Variants in MIER2 observed in about 807,000 individuals in gnomAD.
MIER2 encodes the protein MIER family member 2, also known as mesoderm induction early response protein 2.
MIER2 carries 30 observed loss-of-function variants against 67.6 expected under a neutral mutation model. The ratio of observed to expected loss-of-function variants is 0.44; its 90% confidence interval spans 0.33 to 0.60. The LOEUF is 0.60. MIER2 is among the 20% of genes least tolerant of loss of function. The pLI is 0.02. For missense variants in MIER2, 702 were observed against 745.1 expected, an observed-to-expected ratio of 0.94 and a Z score of 0.67; for synonymous variants, 372 against 312.6, an observed-to-expected ratio of 1.19 and a Z score of -2.00.
In MIER2 at chr19:313,659, G is replaced by A. The variant is rs772637477; in HGVS notation, c.656-16C>T. 6 of 1,604,954 alleles carry A rather than the reference G, an allele frequency of 3.7e-6. No individual in the cohort carries two copies. The highest frequency in any genetic ancestry group is 5.1e-6 in the Non-Finnish European group (6 of 1,178,596). ...TTCTCGTAGACTGCACAAGCAGAGG[G>A]CAAAGGTCAGCTTGCAGGAACCCAA... On this transcript the variant is annotated splice_polypyrimidine_tract_variant and intron_variant, in intron 7 of 13. Coordinates refer to ENST00000264819, the MANE Select transcript of MIER2 (RefSeq NM_017550.3).
At chr19:327,038 C>T (rs1000997359) in intron 5 of MIER2, 95 bp downstream of exon 5, 7 of 1,482,166 alleles carry the variant, frequency 4.7e-6, no homozygotes, top group South Asian at 1.4e-5. Context: ...GTGATGAGTT[C>T]TTGGCCTGCA....
At chr19:332,298 A>G (rs1046475919) in intron 3 of MIER2, among the ~76,000 whole-genome samples, 18 of 151,662 alleles carry the variant, frequency 1.2e-4, no homozygotes, top group African/African-American at 4.1e-4. Context: ...GTATTTTTAC[A>G]TGTCAATTTT....
At chr19:338,757 CAT>C (rs1972374578) in intron 1 of MIER2, among the ~76,000 whole-genome samples, 1 of 152,150 alleles carries the variant, frequency 6.6e-6, no homozygotes, top group South Asian at 2.1e-4. Flanking sequence ...GTCACACATT[CAT>C]AGTCAACTGG....
chr19:310,508 A>AGCCGGGAGCTATAG (rs1970906562), intron 10 of MIER2, among the ~76,000 whole-genome samples: 2 of 43,818 alleles, frequency 4.6e-5, no homozygotes, highest in East Asian at 9.7e-4. Flanking sequence ...GGGAGTTACA[A>AGCCGGGAGCTATAG]AAACGCGGCC....
In MIER2 at chr19:344,331, G is replaced by C. The variant is rs1303786142; in HGVS notation, c.9+443C>G. The C allele has an allele frequency of 3.0e-6, 3 of 984,772 alleles. No homozygotes were observed. The African/African-American group carries it at 5.2e-5, about 17-fold the overall frequency. The allele number at this position is 984,772 out of a possible 1,614,324, so 61.0% of individuals were successfully genotyped here. A position where few individuals can be genotyped will look rare whatever the true frequency, so the allele number is the denominator to read the frequency against. On this transcript the variant is annotated intron_variant, in intron 1 of 13. Transcript: ENST00000264819. The stretch of plus-strand genomic sequence containing the variant: ...CACCGGGATCCCGATGGGGAGCGCG[G>C]GGCGCCTGGCGGCCCCAGCACTCGG...
intron 12 of MIER2, 83 bp from the exon 13 acceptor site, chr19:307,619 C>T: frequency 7.3e-7 from 1 of 1,371,566 alleles, no homozygotes; most frequent in Non-Finnish European, 9.5e-7. Flanking sequence ...TTGCTGGGTC[C>T]AGCAAAGCCT....
chr19:314,937 C>A (rs147472214), intron 7 of MIER2, among the ~76,000 whole-genome samples: 1 of 151,828 alleles, frequency 6.6e-6, no homozygotes, highest in Non-Finnish European at 1.5e-5. Context: ...AGTACAGGCA[C>A]GTCTGTAGTC....
At chr19:323,245 T>A (rs1372007668) in intron 7 of MIER2, among the ~76,000 whole-genome samples, 2 of 114,714 alleles carry the variant, frequency 1.7e-5, no homozygotes, top group African/African-American at 3.3e-5. Flanking sequence ...ACAGTCGTCA[T>A]CATAATGCAA....
intron 1 of MIER2, among the ~76,000 whole-genome samples, chr19:341,788 A>G (rs962412785): frequency 3.9e-5 from 6 of 152,180 alleles, no homozygotes; most frequent in Admixed American, 2.6e-4. Flanking sequence ...CGTAAACAGC[A>G]TTCTAGAAAC....
intron 1 of MIER2, among the ~76,000 whole-genome samples, chr19:341,466 T>C (rs903892598): frequency 1.3e-5 from 2 of 152,108 alleles, no homozygotes; most frequent in Non-Finnish European, 2.9e-5. Flanking sequence ...AAAGGGCCGC[T>C]AACAGGGAGG....
intron 4 of MIER2, 34 bp from the exon 5 acceptor site, chr19:327,290 T>C (rs1390702989): frequency 6.4e-7 from 1 of 1,566,998 alleles, no homozygotes; most frequent in African/African-American, 1.4e-5. Flanking sequence ...AAGAACATTT[T>C]ACAGTTTAAC....
Position 325,636 on chromosome 19 carries a change from C to A in MIER2, c.654G>T (p.Lys218Asn), listed in dbSNP as rs374540198. ...SNLHLNRHCEKIYENEDQLLW... is the reference protein window; with the variant it reads ...SNLHLNRHCENIYENEDQLLW... ...CTCCTCTCCCCAGGCCCTACTTACT[C>A]TTCTCACAGTGCCGGTTCAAGTGCA... The change falls in exon 7 of 14, where the codon AAG (lysine) becomes AAT (asparagine). Residue 218 changes from lysine to asparagine, a missense_variant and splice_region_variant. Lys to Asn is a moderately conservative substitution (Grantham distance 94, BLOSUM62 0). This residue lies in a region of MIER2 where 320 missense variants were observed against 292.6 expected (regional missense o/e 1.09). Transcript: ENST00000264819. 8.7e-6 allele frequency: 14 copies of A among 1,614,206 alleles called. No individual in the cohort carries two copies. The highest frequency in any genetic ancestry group is 1.2e-5 in the Non-Finnish European group (14 of 1,180,030).
At chr19:307,000 G>A (rs1211071997) in intron 13 of MIER2, 119 bp downstream of exon 13, 2 of 1,225,632 alleles carry the variant, frequency 1.6e-6, no homozygotes, top group Admixed American at 5.3e-5. Flanking sequence ...CCTGCTCGTG[G>A]AGCCACACTG....
chr19:328,175 C>T (rs983104060), intron 3 of MIER2, among the ~76,000 whole-genome samples, 186 bp from the exon 4 acceptor site: 1 of 152,148 alleles, frequency 6.6e-6, no homozygotes, highest in Non-Finnish European at 1.5e-5. Context: ...AGCTCCTTTA[C>T]AATCCCTCAG....
At chr19:341,444 TG>T (rs1972497217) in intron 1 of MIER2, among the ~76,000 whole-genome samples, 1 of 152,056 alleles carries the variant, frequency 6.6e-6, no homozygotes, top group Non-Finnish European at 1.5e-5. Flanking sequence ...GGGAAGCGGC[TG>T]GGAACGGCAG....
chr19:333,988 G>A (rs544070564), intron 3 of MIER2: 7 of 163,372 alleles, frequency 4.3e-5, no homozygotes, highest in Non-Finnish European at 8.0e-5. Flanking sequence ...CACCGCGCCC[G>A]ACAATTTTGT....
At chr19:311,472 C>T (rs868121558) in intron 10 of MIER2, among the ~76,000 whole-genome samples, 2 of 152,168 alleles carry the variant, frequency 1.3e-5, no homozygotes, top group Non-Finnish European at 2.9e-5. Flanking sequence ...GACCCCTGGT[C>T]TCCAGGTGTC....
At chr19:318,551 G>A (rs1391359581) in intron 7 of MIER2, among the ~76,000 whole-genome samples, 1 of 152,190 alleles carries the variant, frequency 6.6e-6, no homozygotes, top group Non-Finnish European at 1.5e-5. Flanking sequence ...AAAATTAAGT[G>A]AGAATACAGA....
intron 5 of MIER2, 168 bp downstream of exon 5, chr19:326,965 G>A (rs1346907233): frequency 8.0e-5 from 73 of 907,794 alleles, no homozygotes; most frequent in Non-Finnish European, 1.1e-4. Context: ...ACTGGCCAGC[G>A]TGGAGGAGAA....
Sources: gnomAD v4.1 joint callset for allele counts (sites outside exome capture counted in the v4.1 genomes callset) on GRCh38, gnomAD v4.1.1 for gene constraint, gnomAD v4.1.1 regional missense constraint, MANE v1.5 for transcripts, NCBI Gene and HGNC (gene_info 2026-07-23, HGNC 2026-07-21) for gene names.